The following ZNF804B variants were observed in gnomAD, a reference collection of about 807,000 sequenced individuals.
ZNF804B encodes zinc finger protein 804B.
In ZNF804B, 80 loss-of-function variants were observed where a neutral mutation model predicts 101.4. That is an observed-to-expected ratio of 0.79 (90% CI 0.66 to 0.95). The LOEUF (loss-of-function observed/expected upper bound fraction) is 0.95, where lower values mean the gene tolerates loss of function less well. Among genes scored for constraint, ZNF804B ranks in the 40% least tolerant of loss-of-function variants. The probability of loss-of-function intolerance (pLI) is 0.00; values close to 1 mark genes in which losing one functional copy is unlikely to be tolerated. For missense variants in ZNF804B, 1,673 were observed against 1,561.9 expected, an observed-to-expected ratio of 1.07 and a Z score of -1.20; for synonymous variants, 622 against 558.8, an observed-to-expected ratio of 1.11 and a Z score of -1.59.
chr7:88,809,547 A>G (rs996380575), intron 1 of ZNF804B, among the ~76,000 whole-genome samples: 2 of 152,208 alleles, frequency 1.3e-5, no homozygotes, highest in African/African-American at 4.8e-5. Flanking sequence ...TTATACTATT[A>G]AAATATGCTA....
chr7:88,909,582 C>G (rs1470778404), intron 1 of ZNF804B, among the ~76,000 whole-genome samples: 1 of 151,808 alleles, frequency 6.6e-6, no homozygotes, highest in Non-Finnish European at 1.5e-5. Flanking sequence ...TTGTTATTAA[C>G]TCAAGTTGTT....
chr7:89,167,027 T>G (rs1425776180), intron 1 of ZNF804B, among the ~76,000 whole-genome samples: 1 of 152,192 alleles, frequency 6.6e-6, no homozygotes, highest in Non-Finnish European at 1.5e-5. Context: ...GTGTATATTT[T>G]AAATGATAAA....
chr7:89,251,609 T>A (rs562937999), intron 2 of ZNF804B, among the ~76,000 whole-genome samples: 36 of 152,102 alleles, frequency 2.4e-4, no homozygotes, highest in Non-Finnish European at 4.9e-4. Context: ...CTAAAATTCA[T>A]ATGGAACCAT....
At chr7:88,941,481 T>C (rs773110526) in intron 1 of ZNF804B, among the ~76,000 whole-genome samples, 16 of 152,034 alleles carry the variant, frequency 1.1e-4, no homozygotes, top group Non-Finnish European at 2.1e-4. Context: ...AATTTAACTG[T>C]ATATTACTAA....
At chr7:89,273,920 A>G (rs1284052083) in intron 2 of ZNF804B, among the ~76,000 whole-genome samples, 1 of 121,338 alleles carries the variant, frequency 8.2e-6, no homozygotes, top group Non-Finnish European at 1.7e-5. Context: ...ATTAATCTCA[A>G]TAAGAGATTT....
chr7:89,247,090 C>T (rs1005082509), intron 2 of ZNF804B, among the ~76,000 whole-genome samples: 7 of 152,164 alleles, frequency 4.6e-5, no homozygotes, highest in Non-Finnish European at 1.0e-4. Context: ...TTTAGGCTTC[C>T]CTCCTACCTG....
At chr7:88,771,122 T>A (rs1236892067) in intron 1 of ZNF804B, among the ~76,000 whole-genome samples, 1 of 152,160 alleles carries the variant, frequency 6.6e-6, no homozygotes, top group Non-Finnish European at 1.5e-5. Context: ...CTACATCCTG[T>A]ATCCAGAGGG....
intron 1 of ZNF804B, among the ~76,000 whole-genome samples, chr7:89,175,430 G>T (rs1791303221): frequency 6.6e-6 from 1 of 151,852 alleles, no homozygotes. Flanking sequence ...TATTTCATTG[G>T]TCTATGTGTT....
At chr7:88,957,644 T>C (rs1793329446) in intron 1 of ZNF804B, among the ~76,000 whole-genome samples, 1 of 151,312 alleles carries the variant, frequency 6.6e-6, no homozygotes, top group Non-Finnish European at 1.5e-5. Flanking sequence ...TTCTCACAAT[T>C]GAGGAATTTG....
intron 1 of ZNF804B, among the ~76,000 whole-genome samples, chr7:89,037,566 G>GATATATATATATATAT (rs59604792): frequency 6.9e-6 from 1 of 145,748 alleles, no homozygotes; most frequent in African/African-American, 2.5e-5. Context: ...GTAATGCATG[G>GATATATATATATATAT]ATATATATAT....
Position 88,782,933 on chromosome 7 carries a change from T to C in ZNF804B, c.108+22849T>C, listed in dbSNP as rs143374143. Among the ~76,000 whole-genome samples, 245 of 152,300 alleles carry C rather than the reference T, an allele frequency of 1.6e-3. 1 individual carries two copies. Among genetic ancestry groups the C allele is most frequent in the African/African-American group, 5.6e-3 (233 of 41,570 alleles). ...TCATACTTATTTCAACTTAATATTA[T>C]GTGAGATCACTAAACATTTCTTCAG... On this transcript the variant is annotated intron_variant, in intron 1 of 3. Transcript: ENST00000333190.
rs1350072744 is a variant in ZNF804B at position 89,056,345 on chromosome 7, T to C, written c.109-161810T>C. ...TGAGCTCTAAGGGAAGTGTCATTAC[T>C]GATAACATTAAACATAGAGAAAAGT... On this transcript the variant is annotated intron_variant, in intron 1 of 3. Coordinates refer to ENST00000333190, the MANE Select transcript of ZNF804B (RefSeq NM_181646.5). Among the ~76,000 whole-genome samples the C allele has an allele frequency of 2.6e-5, 4 of 152,224 alleles. No individual in the cohort carries two copies. The East Asian group carries it at 5.8e-4, about 22-fold the overall frequency.
chr7:88,886,516 G>A (rs1167078394), intron 1 of ZNF804B, among the ~76,000 whole-genome samples: 1 of 152,058 alleles, frequency 6.6e-6, no homozygotes, highest in Non-Finnish European at 1.5e-5. Flanking sequence ...CAGAGCAAAA[G>A]GTTGACTTGA....
intron 1 of ZNF804B, among the ~76,000 whole-genome samples, chr7:88,941,712 C>T (rs767166119): frequency 5.3e-5 from 8 of 151,786 alleles, no homozygotes; most frequent in Non-Finnish European, 8.8e-5. Flanking sequence ...TCGTCAAAAT[C>T]CACAAAATAT....
intron 1 of ZNF804B, among the ~76,000 whole-genome samples, chr7:88,964,382 G>T (rs892226775): frequency 6.6e-6 from 1 of 151,454 alleles, no homozygotes; most frequent in Non-Finnish European, 1.5e-5. Flanking sequence ...TACAACATGG[G>T]TGAACCTGGA....
chr7:89,079,433 A>G (rs538838216), intron 1 of ZNF804B, among the ~76,000 whole-genome samples: 2 of 152,094 alleles, frequency 1.3e-5, no homozygotes, highest in Non-Finnish European at 2.9e-5. Context: ...ATTTGAATAC[A>G]GAGTCCTTCA....
intron 2 of ZNF804B, among the ~76,000 whole-genome samples, chr7:89,253,396 C>T (rs902481598): frequency 6.6e-6 from 1 of 151,914 alleles, no homozygotes; most frequent in Non-Finnish European, 1.5e-5. Context: ...ATATGAAAGA[C>T]AATATAGGTA....
chr7:89,005,864 A>C (rs542861948), intron 1 of ZNF804B, among the ~76,000 whole-genome samples: 1 of 152,140 alleles, frequency 6.6e-6, no homozygotes, highest in African/African-American at 2.4e-5. Context: ...CCTTTTCTAC[A>C]CCAGATTCTT....
At chr7:88,869,189 T>C (rs1374224234) in intron 1 of ZNF804B, among the ~76,000 whole-genome samples, 1 of 152,198 alleles carries the variant, frequency 6.6e-6, no homozygotes, top group Non-Finnish European at 1.5e-5. Context: ...CTTACAAATA[T>C]TTTAAAAAAC....
Sources: gnomAD v4.1 joint callset for allele counts (sites outside exome capture counted in the v4.1 genomes callset) on GRCh38, gnomAD v4.1.1 for gene constraint, MANE v1.5 for transcripts, NCBI Gene and HGNC (gene_info 2026-07-23, HGNC 2026-07-21) for gene names.